Variants in ZNG1B observed in about 807,000 individuals in gnomAD.
ZNG1B encodes zinc-regulated GTPase metalloprotein activator 1B.
chr2:113,457,278 G>C, the ZNG1B span: 1 of 369,902 alleles, frequency 2.7e-6, no homozygotes, highest in Non-Finnish European at 5.2e-6. Context: ...TCAGAAAACA[G>C]TTAGCTTGGA....
chr2:113,478,377 G>A, the ZNG1B span, among the ~76,000 whole-genome samples: 481 of 152,168 alleles, frequency 3.2e-3, 7 homozygotes, highest in African/African-American at 0.011. Flanking sequence ...CTGGGCTCAA[G>A]TGATCCTCCC....
the ZNG1B span, among the ~76,000 whole-genome samples, chr2:113,440,974 A>G: frequency 6.9e-6 from 1 of 145,432 alleles, no homozygotes; most frequent in Non-Finnish European, 1.5e-5. Flanking sequence ...CATTTCATAA[A>G]AACTTTTATA....
At chr2:113,442,377 A>G in the ZNG1B span, among the ~76,000 whole-genome samples, 2 of 152,166 alleles carry the variant, frequency 1.3e-5, no homozygotes, top group African/African-American at 4.8e-5. Context: ...TAGCCAAAAA[A>G]CAATATCTAT....
chr2:113,441,530 G>C, the ZNG1B span: 1 of 1,592,950 alleles, frequency 6.3e-7, no homozygotes, highest in African/African-American at 1.3e-5. Context: ...AAATGAAAAT[G>C]CAAGGTATTG....
At chr2:113,439,165 G>T in the ZNG1B span, 3 of 1,219,728 alleles carry the variant, frequency 2.5e-6, no homozygotes, top group African/African-American at 3.1e-5. Flanking sequence ...TCAGGAGTGA[G>T]AATTAATACC....
chr2:113,480,048 T>A, the ZNG1B span, among the ~76,000 whole-genome samples: 1 of 151,858 alleles, frequency 6.6e-6, no homozygotes. Flanking sequence ...CTTAAACTCC[T>A]GGGCTTAAGT....
the ZNG1B span, among the ~76,000 whole-genome samples, chr2:113,468,109 A>G: frequency 9.7e-3 from 1,174 of 121,046 alleles, no homozygotes; most frequent in Admixed American, 0.021. Context: ...AAATGTGATT[A>G]GTTTTGTAAA....
chr2:113,448,974 T>TC, the ZNG1B span, among the ~76,000 whole-genome samples: 1 of 152,130 alleles, frequency 6.6e-6, no homozygotes, highest in Admixed American at 6.5e-5. Context: ...TGATGTTAGC[T>TC]ACATCTTCTA....
the ZNG1B span, among the ~76,000 whole-genome samples, chr2:113,476,735 C>T: frequency 6.6e-6 from 1 of 151,976 alleles, no homozygotes; most frequent in Non-Finnish European, 1.5e-5. Context: ...TTCCTTCTAA[C>T]AGACAGGACC....
At chr2:113,454,256 A>G in the ZNG1B span, among the ~76,000 whole-genome samples, 2 of 152,160 alleles carry the variant, frequency 1.3e-5, no homozygotes, top group East Asian at 3.8e-4. Context: ...AACATTTATG[A>G]GTTGGATTTG....
the ZNG1B span, among the ~76,000 whole-genome samples, chr2:113,489,494 G>T: frequency 1.4e-3 from 218 of 152,148 alleles, no homozygotes; most frequent in African/African-American, 4.9e-3. Flanking sequence ...ATAGCATGAT[G>T]AATAGAGTGG....
At chr2:113,471,525 A>C in the ZNG1B span, among the ~76,000 whole-genome samples, 2 of 151,552 alleles carry the variant, frequency 1.3e-5, no homozygotes, top group East Asian at 3.9e-4. Flanking sequence ...GTACATGTGC[A>C]CAATGTGCAG....
the ZNG1B span, among the ~76,000 whole-genome samples, chr2:113,459,333 A>C: frequency 1.3e-5 from 2 of 151,654 alleles, no homozygotes; most frequent in South Asian, 4.2e-4. Flanking sequence ...AAGCTTGTTA[A>C]ATAAAATTAT....
the ZNG1B span, chr2:113,495,338 C>T: frequency 6.8e-7 from 1 of 1,475,884 alleles, no homozygotes; most frequent in Non-Finnish European, 9.0e-7. Context: ...ATTAACCATT[C>T]AGGTCCTCTT....
chr2:113,468,662 G>T, the ZNG1B span: 1 of 148,814 alleles, frequency 6.7e-6, no homozygotes. Flanking sequence ...AAGATCTCAT[G>T]GTTTTATCTC....
At chr2:113,477,991 A>G in the ZNG1B span, among the ~76,000 whole-genome samples, 1 of 151,752 alleles carries the variant, frequency 6.6e-6, no homozygotes, top group South Asian at 2.1e-4. Context: ...GCATATGGCA[A>G]GTTTTCCTTT....
At chr2:113,442,106 A>G in the ZNG1B span, among the ~76,000 whole-genome samples, 1 of 152,180 alleles carries the variant, frequency 6.6e-6, no homozygotes, top group Non-Finnish European at 1.5e-5. Context: ...CATGAAAAAT[A>G]CTTGAAAATG....
At chr2:113,473,780 G>A in the ZNG1B span, among the ~76,000 whole-genome samples, 2 of 148,050 alleles carry the variant, frequency 1.4e-5, no homozygotes, top group African/African-American at 2.5e-5. Context: ...TTTATATGCT[G>A]GATTACATGT....
the ZNG1B span, among the ~76,000 whole-genome samples, chr2:113,460,393 G>C: frequency 6.6e-6 from 1 of 152,122 alleles, no homozygotes; most frequent in Non-Finnish European, 1.5e-5. Flanking sequence ...AATCAAAGGG[G>C]TTTTCCTTTT....
Sources: allele counts gnomAD v4.1 joint callset (sites outside exome capture counted in the v4.1 genomes callset), GRCh38; gene constraint gnomAD v4.1.1; transcripts MANE v1.5; gene names NCBI Gene and HGNC (gene_info 2026-07-23, HGNC 2026-07-21).